SLC8A1: variants seen among roughly 807,000 people sequenced by gnomAD.
SLC8A1 encodes the protein sodium/calcium exchanger 1.
A neutral mutation model predicts 68.3 loss-of-function variants in SLC8A1; 18 were observed. That is an observed-to-expected ratio of 0.26 (90% CI 0.18 to 0.39). The LOEUF is 0.39. Among genes scored for constraint, SLC8A1 ranks in the 10% least tolerant of loss-of-function variants. The probability of loss-of-function intolerance (pLI) is 1.00; values close to 1 mark genes in which losing one functional copy is unlikely to be tolerated. For missense variants in SLC8A1, 985 were observed against 1,156.7 expected (o/e 0.85, Z 2.15); for synonymous variants, 475 against 415.5 (o/e 1.14, Z -1.74).
At chr2:40,208,187 T>A (rs1318995514) in intron 2 of SLC8A1, among the ~76,000 whole-genome samples, 1 of 152,150 alleles carries the variant, frequency 6.6e-6, no homozygotes, top group Non-Finnish European at 1.5e-5. Flanking sequence ...AAATTATGCC[T>A]CAGTCCAGTG....
chr2:40,130,253 C>A (rs1298348161), intron 7 of SLC8A1, among the ~76,000 whole-genome samples: 1 of 152,176 alleles, frequency 6.6e-6, no homozygotes, highest in Admixed American at 6.5e-5. Flanking sequence ...TCTTAGTATA[C>A]GATAACAGGC....
upstream of SLC8A1, chr2:40,453,569 T>A (rs1702807283): frequency 6.6e-6 from 1 of 152,198 alleles, no homozygotes; most frequent in Non-Finnish European, 1.5e-5. Flanking sequence ...TGGGCCGTTT[T>A]TAAAAATCCC....
At chr2:40,492,485 T>C (rs1347068044) in intron 1 of SLC8A1, among the ~76,000 whole-genome samples, 1 of 151,908 alleles carries the variant, frequency 6.6e-6, no homozygotes, top group Non-Finnish European at 1.5e-5. Flanking sequence ...AAAGCCAAAA[T>C]TGACAAATGG....
At chr2:40,168,136 T>G (rs936989898) in intron 4 of SLC8A1, among the ~76,000 whole-genome samples, 1 of 152,058 alleles carries the variant, frequency 6.6e-6, no homozygotes, top group Non-Finnish European at 1.5e-5. Flanking sequence ...GAACTTATGA[T>G]GTAATGGGGA....
At chr2:40,297,789 C>T (rs2070698047) in intron 2 of SLC8A1, among the ~76,000 whole-genome samples, 1 of 152,162 alleles carries the variant, frequency 6.6e-6, no homozygotes, top group Non-Finnish European at 1.5e-5. Context: ...TTTAATGACT[C>T]ATCTTCAATT....
Position 40,178,382 on chromosome 2 carries a change from C to G in SLC8A1, c.1809-527G>C, listed in dbSNP as rs761304345. 1.9e-6 allele frequency: 3 copies of G among 1,612,846 alleles called. No individual in the cohort carries two copies. The highest frequency in any genetic ancestry group is 2.5e-6 in the Non-Finnish European group (3 of 1,179,074). ...TTGGGCTCAGCCCTGGAGCAGCTCCCCCACCTTTCTTCTCACTCATCTCCA... is the reference window on the plus strand; with the variant it reads ...TTGGGCTCAGCCCTGGAGCAGCTCCGCCACCTTTCTTCTCACTCATCTCCA... On this transcript the variant is annotated intron_variant, in intron 2 of 7. Transcript: ENST00000406785.
chr2:40,100,231 T>G (rs1050325259), exon 8 of SLC8A1: 1 of 152,174 alleles, frequency 6.6e-6, no homozygotes, highest in Non-Finnish European at 1.5e-5. Flanking sequence ...TGACAATATG[T>G]AACTTTTTTT....
intron 2 of SLC8A1, among the ~76,000 whole-genome samples, chr2:40,333,177 G>C (rs994380310): frequency 2.0e-5 from 3 of 152,148 alleles, no homozygotes; most frequent in Non-Finnish European, 2.9e-5. Flanking sequence ...GGTGGCTCAC[G>C]CCTATAATCC....
Position 40,357,526 on chromosome 2 carries a change from G to A in SLC8A1, c.1808+70947C>T, listed in dbSNP as rs188146293. ...AAAAAAAAAAAAAAAAACACAAGAT[G>A]TAAACAGTAATATTTCTGTGCTCAG... On this transcript the variant is annotated intron_variant, in intron 2 of 7. Transcript: ENST00000406785. Among the ~76,000 whole-genome samples, 765 of 143,518 alleles carry A rather than the reference G, an allele frequency of 5.3e-3. 6 individuals carry two copies. The highest frequency in any genetic ancestry group is 8.1e-3 in the Non-Finnish European group (529 of 65,256). 94.2% of individuals were successfully genotyped at this position (143,518 alleles called of 152,430 possible).
intron 2 of SLC8A1, among the ~76,000 whole-genome samples, chr2:40,420,568 G>T (rs1695214248): frequency 6.6e-6 from 1 of 152,148 alleles, no homozygotes; most frequent in Admixed American, 6.6e-5. Flanking sequence ...CAATAACTAG[G>T]TAGGTCAGCT....
At chr2:40,295,781 C>T (rs1301330290) in intron 2 of SLC8A1, among the ~76,000 whole-genome samples, 2 of 152,098 alleles carry the variant, frequency 1.3e-5, no homozygotes, top group African/African-American at 4.8e-5. Context: ...CTACTAACAC[C>T]AACTCTTGAC....
At chr2:40,202,932 A>C (rs1318872149) in intron 2 of SLC8A1, among the ~76,000 whole-genome samples, 1 of 151,884 alleles carries the variant, frequency 6.6e-6, no homozygotes, top group Non-Finnish European at 1.5e-5. Flanking sequence ...TACATAACCA[A>C]CTTGAGGCAT....
At chr2:40,165,492 T>A (rs2046393399) in intron 4 of SLC8A1, among the ~76,000 whole-genome samples, 1 of 152,154 alleles carries the variant, frequency 6.6e-6, no homozygotes, top group Admixed American at 6.5e-5. Flanking sequence ...AATTCTGACT[T>A]TAGCCTCTCT....
chr2:40,329,207 T>A (rs191414720), intron 2 of SLC8A1, among the ~76,000 whole-genome samples: 2 of 152,122 alleles, frequency 1.3e-5, no homozygotes, highest in South Asian at 2.1e-4. Context: ...CTCTGGCCCA[T>A]TGAAACCTTA....
intron 2 of SLC8A1, among the ~76,000 whole-genome samples, chr2:40,355,071 T>C (rs1378654224): frequency 6.6e-6 from 1 of 152,182 alleles, no homozygotes; most frequent in African/African-American, 2.4e-5. Context: ...GAAATAAAGA[T>C]AAGCAAGCTC....
At chr2:40,212,301 T>TTTTTTTTC (rs1553417570) in intron 2 of SLC8A1, among the ~76,000 whole-genome samples, 4 of 150,320 alleles carry the variant, frequency 2.7e-5, no homozygotes, top group African/African-American at 9.8e-5. Flanking sequence ...TTTTTTTTTT[T>TTTTTTTTC]CCTGAGACAA....
chr2:40,211,982 C>T (rs1047079235), intron 2 of SLC8A1, among the ~76,000 whole-genome samples: 1 of 152,150 alleles, frequency 6.6e-6, no homozygotes, highest in Non-Finnish European at 1.5e-5. Flanking sequence ...TATACCTAAT[C>T]CAAATTTGAT....
intron 5 of SLC8A1, among the ~76,000 whole-genome samples, chr2:40,163,480 G>C (rs2046029866): frequency 6.6e-6 from 1 of 152,200 alleles, no homozygotes; most frequent in African/African-American, 2.4e-5. Context: ...GGTGAATGAG[G>C]AAGAGGGAGG....
chr2:40,429,202 C>T, exon 2 of SLC8A1: 1 of 1,613,826 alleles, frequency 6.2e-7, no homozygotes, highest in Non-Finnish European at 8.5e-7. Context: ...AAATGCTCTA[C>T]TTTTTTGCTG....
Sources: allele counts gnomAD v4.1 joint callset (sites outside exome capture counted in the v4.1 genomes callset), GRCh38; gene constraint gnomAD v4.1.1; transcripts MANE v1.5; gene names NCBI Gene and HGNC (gene_info 2026-07-23, HGNC 2026-07-21).